The following ANKRD44 variants were observed in gnomAD, a reference collection of about 807,000 sequenced individuals.
ANKRD44 encodes the protein ankyrin repeat domain 44.
A neutral mutation model predicts 116.0 loss-of-function variants in ANKRD44; 35 were observed. The ratio of observed to expected loss-of-function variants is 0.30; its 90% confidence interval spans 0.23 to 0.40. ANKRD44 has a LOEUF of 0.40. Ranked by LOEUF, ANKRD44 falls within the 10% of genes least tolerant of loss-of-function variation. The pLI is 1.00. For synonymous variants in ANKRD44, 435 were observed against 461.8 expected (o/e 0.94, Z 0.74); for missense variants, 1,014 against 1,242.6 (o/e 0.82, Z 2.77).
intron 1 of ANKRD44, among the ~76,000 whole-genome samples, chr2:197,288,717 G>A (rs374762096): frequency 1.1e-4 from 16 of 151,906 alleles, no homozygotes; most frequent in South Asian, 2.1e-4. Context: ...CTATTCAGCC[G>A]TAAAAAACAA....
chr2:197,058,583 T>G (rs2077248441), intron 16 of ANKRD44, among the ~76,000 whole-genome samples: 1 of 152,196 alleles, frequency 6.6e-6, no homozygotes, highest in South Asian at 2.1e-4. Flanking sequence ...ATGAGTTCAC[T>G]GAAACAATGT....
At chr2:197,019,997 G>A (rs946477749) in intron 17 of ANKRD44, among the ~76,000 whole-genome samples, 6 of 151,958 alleles carry the variant, frequency 3.9e-5, no homozygotes, top group African/African-American at 1.4e-4. Flanking sequence ...TGTATTTTTA[G>A]TAGAGATGGG....
At chr2:197,241,927 A>G (rs1483896734) in intron 1 of ANKRD44, among the ~76,000 whole-genome samples, 1 of 152,190 alleles carries the variant, frequency 6.6e-6, no homozygotes, top group Non-Finnish European at 1.5e-5. Flanking sequence ...AATCTTAAAA[A>G]TACATATTAC....
chr2:197,135,386 A>C (rs2079192507), intron 4 of ANKRD44: 1 of 152,154 alleles, frequency 6.6e-6, no homozygotes, highest in Non-Finnish European at 1.5e-5. Flanking sequence ...ATCCCTGGAT[A>C]ATGGGCATCT....
At chr2:197,290,392 A>G (rs114812354) in intron 1 of ANKRD44, among the ~76,000 whole-genome samples, 2,105 of 152,206 alleles carry the variant, frequency 0.014, 37 homozygotes, top group Non-Finnish European at 0.02. Flanking sequence ...GGCTGTTTGT[A>G]TATCTTCTTT....
At chr2:197,136,690 C>G (rs776550024) in intron 3 of ANKRD44, 28 bp from the exon 4 acceptor site, 9 of 1,607,288 alleles carry the variant, frequency 5.6e-6, no homozygotes, top group Non-Finnish European at 7.7e-6. Flanking sequence ...AAGTTAGAGG[C>G]ATAATGGGGT....
chr2:196,990,909 GC>G, intron 27 of ANKRD44: 1 of 1,232,582 alleles, frequency 8.1e-7, no homozygotes. Context: ...AGGAGCGCAA[GC>G]CAGGGCCGGG....
Position 197,203,053 on chromosome 2 carries a change from G to A in ANKRD44, c.28-15947C>T, listed in dbSNP as rs1559146604. Among the ~76,000 whole-genome samples, 2 of 152,126 alleles carry A rather than the reference G, an allele frequency of 1.3e-5. No homozygotes were observed. Among genetic ancestry groups the A allele is most frequent in the Non-Finnish European group, 2.9e-5 (2 of 68,028 alleles). ...AAAGGCTCTCCAGGTGACTCATACA[G>A]CTTCAACATACATGCAGCACTGAAT... is the stretch of plus-strand genomic sequence containing the variant. On this transcript the variant is annotated intron_variant, in intron 1 of 27. Transcript: ENST00000282272. The surrounding 1 kb of genome is among the most constrained non-coding windows in gnomAD (Gnocchi z 4.1).
chr2:197,007,275 A>G (rs1377586759), intron 20 of ANKRD44, among the ~76,000 whole-genome samples: 2 of 152,222 alleles, frequency 1.3e-5, no homozygotes, highest in African/African-American at 4.8e-5. Context: ...ATCATGATGC[A>G]GAAAAAAATG....
chr2:197,015,847 T>C, intron 17 of ANKRD44: 1 of 512,770 alleles, frequency 2.0e-6, no homozygotes, highest in Non-Finnish European at 3.7e-6. Context: ...TGGTGGTACC[T>C]GTGGTGGTGG....
At chr2:196,986,236 G>C (rs2075836199), downstream of ANKRD44, among the ~76,000 whole-genome samples, 1 of 151,926 alleles carries the variant, frequency 6.6e-6, no homozygotes. Context: ...GGGCAATATA[G>C]TGAGACCCCA....
At chr2:197,052,097 A>G (rs1279421557) in intron 16 of ANKRD44, among the ~76,000 whole-genome samples, 1 of 152,126 alleles carries the variant, frequency 6.6e-6, no homozygotes, top group African/African-American at 2.4e-5. Context: ...ACCCCAATAT[A>G]TTCTCATAAA....
At chr2:196,979,580 T>TTTTTTTTTTTTA (rs2075786167) in intron 21 of ANKRD44, among the ~76,000 whole-genome samples, 1 of 91,660 alleles carries the variant, frequency 1.1e-5, no homozygotes, top group Non-Finnish European at 2.4e-5. Context: ...TTTTTTTTTT[T>TTTTTTTTTTTTA]AAGACAGAGT....
chr2:197,022,059 C>T (rs549997996), intron 17 of ANKRD44, among the ~76,000 whole-genome samples: 1 of 152,152 alleles, frequency 6.6e-6, no homozygotes, highest in Non-Finnish European at 1.5e-5. Flanking sequence ...AATAGTAACT[C>T]AAGGCAGGTC....
intron 1 of ANKRD44, chr2:197,263,453 A>C (rs760291123): frequency 1.9e-6 from 1 of 532,078 alleles, no homozygotes; most frequent in Non-Finnish European, 3.5e-6. Context: ...CTCTTCTCCT[A>C]CACCATTCTA....
chr2:197,147,246 G>T, intron 2 of ANKRD44, 141 bp from the exon 3 acceptor site: 1 of 645,978 alleles, frequency 1.5e-6, no homozygotes, highest in Non-Finnish European at 2.8e-6. Context: ...GTAACTTCTG[G>T]TTATGCATTT....
intron 21 of ANKRD44, among the ~76,000 whole-genome samples, chr2:196,972,017 G>A (rs919643579): frequency 6.6e-6 from 1 of 152,130 alleles, no homozygotes; most frequent in Non-Finnish European, 1.5e-5. Flanking sequence ...TGTAGCCAAG[G>A]AGTGTTTGAG....
chr2:197,309,985 T>A (rs1004541167), intron 1 of ANKRD44, among the ~76,000 whole-genome samples: 7 of 152,064 alleles, frequency 4.6e-5, no homozygotes, highest in African/African-American at 1.7e-4. Flanking sequence ...CACCTCCTCC[T>A]CAGAGGGACC....
chr2:197,298,298 T>G lies in ANKRD44; in HGVS notation c.27+12280A>C, dbSNP rs1001801955. On this transcript the variant is annotated intron_variant, in intron 1 of 27. Transcript: ENST00000282272. The stretch of plus-strand genomic sequence containing the variant: ...AAATTCCCTTCCAAATATCTTACAC[T>G]GGACAAGCCAAATCCAGGTCTTCCT... 1.2e-4 allele frequency among the ~76,000 whole-genome samples: 18 copies of G among 152,350 alleles called. 2 individuals carry two copies. In the East Asian group the frequency reaches 3.5e-3, roughly 29 times the overall value.
Sources: gnomAD v4.1 joint callset for allele counts (sites outside exome capture counted in the v4.1 genomes callset) on GRCh38, gnomAD v4.1.1 for gene constraint, Gnocchi (gnomAD v3.1) non-coding constraint, MANE v1.5 for transcripts, NCBI Gene and HGNC (gene_info 2026-07-23, HGNC 2026-07-21) for gene names.